Variants in ACTN4 observed in about 807,000 individuals in gnomAD.
ACTN4 encodes actinin alpha 4, also known as alpha-actinin-4.
Under a neutral mutation model 114.2 loss-of-function variants are expected in ACTN4, and 18 were observed. That is an observed-to-expected ratio of 0.16 (90% CI 0.11 to 0.23). ACTN4 has a LOEUF of 0.23. Among genes scored for constraint, ACTN4 ranks in the 10% least tolerant of loss-of-function variants. ACTN4 has a pLI of 1.00. For synonymous variants in ACTN4, 515 were observed against 506.3 expected (o/e 1.02, Z -0.23); for missense variants, 722 against 1,262.9 (o/e 0.57, Z 6.49).
At chr19:38,691,269 G>T (rs186790908) in intron 1 of ACTN4, among the ~76,000 whole-genome samples, 225 of 151,888 alleles carry the variant, frequency 1.5e-3, no homozygotes, top group African/African-American at 5.1e-3. Context: ...TAAAAAATTA[G>T]CCAGGCCTGT....
rs114173410 is a variant in ACTN4, at chr19:38,694,066, T to G, written c.163-6534T>G. 3.9e-3 allele frequency among the ~76,000 whole-genome samples: 592 copies of G among 152,290 alleles called. 9 individuals are homozygous for G. Among genetic ancestry groups the G allele is most frequent in the African/African-American group, 0.014 (572 of 41,566 alleles). On this transcript the variant is annotated intron_variant, in intron 1 of 20. Coordinates refer to ENST00000252699, the MANE Select transcript of ACTN4 (RefSeq NM_004924.6). The stretch of plus-strand genomic sequence containing the variant: ...GTTCACATGTGTTCTCAAAGACAGA[T>G]GAGTCCACATCCTTCCTTCCTCCCT...
chr19:38,700,907 G>C (rs1305073974), intron 2 of ACTN4, 95 bp from the exon 3 acceptor site: 2 of 1,546,972 alleles, frequency 1.3e-6, no homozygotes, highest in African/African-American at 2.7e-5. Flanking sequence ...TGCTTTTGGA[G>C]AACAGAGGAG....
chr19:38,652,474 G>T (rs369755473), intron 1 of ACTN4, among the ~76,000 whole-genome samples: 7 of 152,220 alleles, frequency 4.6e-5, no homozygotes, highest in African/African-American at 1.7e-4. Flanking sequence ...CCCTGGAGTG[G>T]CACCTGCCAC....
chr19:38,726,815 TG>T, intron 17 of ACTN4, 141 bp from the exon 18 acceptor site: 1 of 1,274,980 alleles, frequency 7.8e-7, no homozygotes, highest in South Asian at 1.4e-5. Context: ...GGAGGCACCA[TG>T]GCCCGTGTCC....
chr19:38,648,687 C>T (rs1248830305), intron 1 of ACTN4, among the ~76,000 whole-genome samples: 1 of 151,646 alleles, frequency 6.6e-6, no homozygotes, highest in Non-Finnish European at 1.5e-5. Flanking sequence ...TTTGTGGTGC[C>T]CTGTTCCAAA....
Position 38,730,517 on chromosome 19 carries a change from T to TATTTTTAAGAAGGATTC in ACTN4, c.*1086_*1102dup, listed in dbSNP as rs1969501186. The TATTTTTAAGAAGGATTC allele has an allele frequency of 2.7e-6, 1 of 376,066 alleles. No individual in the cohort carries two copies. Among genetic ancestry groups the TATTTTTAAGAAGGATTC allele is most frequent in the Admixed American group, 4.1e-5 (1 of 24,108 alleles). 23.3% of individuals were successfully genotyped at this position (376,066 alleles called of 1,614,324 possible). A position where few individuals can be genotyped will look rare whatever the true frequency, so the allele number is the denominator to read the frequency against. On this transcript the variant is annotated 3_prime_UTR_variant, in exon 21 of 21. Transcript: ENST00000252699. ...GGGGACAGGATAATAAAACATGTAATATTTTTAAGAAGGATTCCTGCAGCA... is the reference window on the plus strand; with the variant it reads ...GGGGACAGGATAATAAAACATGTAATATTTTTAAGAAGGATTCATTTTTAAGAAGGATTCCTGCAGCA...
rs370835271 is a variant in ACTN4, at chr19:38,672,050, CTTCA to C, written c.162+24146_162+24149del. ...CAGAAAAAGAGCTGGGCAGCGTAGACTTCATTGTCCTGCTGGCCTGTCATGTTAT... is the reference window on the plus strand; with the variant it reads ...CAGAAAAAGAGCTGGGCAGCGTAGACTTGTCCTGCTGGCCTGTCATGTTAT... On this transcript the variant is annotated intron_variant, in intron 1 of 20. Coordinates refer to ENST00000252699, the MANE Select transcript of ACTN4 (RefSeq NM_004924.6). 3.9e-3 allele frequency among the ~76,000 whole-genome samples: 592 copies of C among 152,178 alleles called. 3 individuals are homozygous for C. Among genetic ancestry groups the C allele is most frequent in the African/African-American group, 0.014 (561 of 41,510 alleles).
At chr19:38,725,604 G>A (rs1373099935) in intron 16 of ACTN4, 120 bp from the exon 17 acceptor site, 1 of 1,146,186 alleles carries the variant, frequency 8.7e-7, no homozygotes, top group Non-Finnish European at 1.3e-6. Flanking sequence ...CATGGGCCAA[G>A]GCCCCAGGCC....
Position 38,729,083 on chromosome 19 carries a change from T to G in ACTN4, c.2506T>G (p.Ser836Ala). ...CTTCCAAGCCTTCATCGACTTCATG[T>G]CGCGGGAGACCACCGACACGGACAC... ...VTFQAFIDFM[S>A]RETTDTDTAD... Residue 836 changes from serine (S) to alanine (A), a missense_variant, in exon 20 of 21, where the codon TCG becomes GCG. By Grantham distance (99) the Ser-to-Ala change is moderately conservative. Around this residue, in one of 3 missense-constraint regions of ACTN4, gnomAD observed 523 missense variants for 875.9 expected, o/e 0.60. Coordinates refer to ENST00000252699, the MANE Select transcript of ACTN4 (RefSeq NM_004924.6). 2 of 1,613,140 alleles carry G rather than the reference T, an allele frequency of 1.2e-6. No individual in the cohort carries two copies. Among genetic ancestry groups the G allele is most frequent in the Non-Finnish European group, 1.7e-6 (2 of 1,179,956 alleles).
intron 1 of ACTN4, among the ~76,000 whole-genome samples, chr19:38,689,421 G>A (rs1967850722): frequency 6.6e-6 from 1 of 152,148 alleles, no homozygotes; most frequent in Non-Finnish European, 1.5e-5. Flanking sequence ...CTGGGGGCTG[G>A]GTAGGAGGGA....
chr19:38,723,818 C>T (rs1969131520), intron 13 of ACTN4, 96 bp downstream of exon 13: 12 of 1,463,660 alleles, frequency 8.2e-6, no homozygotes, highest in Non-Finnish European at 9.4e-6. Flanking sequence ...CTCCCCCCAC[C>T]TCCCACGGAG....
chr19:38,701,816 C>T (rs1367270345), intron 3 of ACTN4, among the ~76,000 whole-genome samples: 1 of 152,254 alleles, frequency 6.6e-6, no homozygotes, highest in Non-Finnish European at 1.5e-5. Flanking sequence ...GCAGTCCACT[C>T]ATTAGTCAGA....
chr19:38,660,395 T>G (rs967632301), intron 1 of ACTN4, among the ~76,000 whole-genome samples: 1 of 149,472 alleles, frequency 6.7e-6, no homozygotes, highest in Non-Finnish European at 1.5e-5. Flanking sequence ...CTGGTTTTTG[T>G]TTTTTTTTCT....
intron 1 of ACTN4, 104 bp downstream of exon 1, chr19:38,648,011 G>C: frequency 1.5e-6 from 2 of 1,296,546 alleles, no homozygotes; most frequent in Non-Finnish European, 2.0e-6. Flanking sequence ...GATGGGAACG[G>C]GGGGGTCCCG....
At chr19:38,654,561 C>CAAAAAAAA (rs35967763) in intron 1 of ACTN4, among the ~76,000 whole-genome samples, 1 of 96,328 alleles carries the variant, frequency 1.0e-5, no homozygotes, top group Non-Finnish European at 2.1e-5. Context: ...GGCTCCGTCT[C>CAAAAAAAA]AAAAAAAAAA....
rs1054953276 is a variant in ACTN4, at chr19:38,685,555, C to T, written c.163-15045C>T. 3.6e-4 allele frequency among the ~76,000 whole-genome samples: 55 copies of T among 152,298 alleles called. 1 individual carries two copies. The highest frequency in any genetic ancestry group is 1.2e-3 in the African/African-American group (50 of 41,570). On this transcript the variant is annotated intron_variant, in intron 1 of 20. Transcript: ENST00000252699. ...TCTGGATCGAGGGGACTCAATTATGCGGATAAAGGCCCCTAATCCTCTCAG... is the reference window on the plus strand; with the variant it reads ...TCTGGATCGAGGGGACTCAATTATGTGGATAAAGGCCCCTAATCCTCTCAG...
rs1418152141 is a variant in ACTN4, at chr19:38,730,009, G to A, written c.*577G>A. 1.7e-5 allele frequency: 5 copies of A among 298,286 alleles called. No individual in the cohort carries two copies. The highest frequency in any genetic ancestry group is 5.8e-5 in the South Asian group (2 of 34,424). The allele number at this position is 298,286 out of a possible 1,614,324, so 18.5% of individuals were successfully genotyped here. On this transcript the variant is annotated 3_prime_UTR_variant, in exon 21 of 21. Coordinates refer to ENST00000252699, the MANE Select transcript of ACTN4 (RefSeq NM_004924.6). ...AGCAGAGGAGCTGAGTTGGCAGACCGGGCCCCCCTGAACCGCACCCCATCC... is the reference window on the plus strand; with the variant it reads ...AGCAGAGGAGCTGAGTTGGCAGACCAGGCCCCCCTGAACCGCACCCCATCC...
At chr19:38,699,769 GA>G (rs1461077120) in intron 1 of ACTN4, among the ~76,000 whole-genome samples, 3 of 151,222 alleles carry the variant, frequency 2.0e-5, no homozygotes, top group Admixed American at 6.6e-5. Context: ...AAAAAAAAAG[GA>G]AAAAAAAGAA....
chr19:38,673,896 C>G (rs1255778348), intron 1 of ACTN4, among the ~76,000 whole-genome samples: 1 of 147,862 alleles, frequency 6.8e-6, no homozygotes, highest in Non-Finnish European at 1.5e-5. Flanking sequence ...AATTCTCTGC[C>G]TCAGCCTCCT....
Sources: allele counts gnomAD v4.1 joint callset (sites outside exome capture counted in the v4.1 genomes callset), GRCh38; gene constraint gnomAD v4.1.1; regional missense constraint gnomAD v4.1.1; transcripts MANE v1.5; gene names NCBI Gene and HGNC (gene_info 2026-07-23, HGNC 2026-07-21).